RASA3: variants seen among roughly 807,000 people sequenced by gnomAD.
The protein encoded by RASA3 is RAS p21 protein activator 3.
A neutral mutation model predicts 110.0 loss-of-function variants in RASA3; 73 were observed. That is an observed-to-expected ratio of 0.66 (90% CI 0.55 to 0.81). The LOEUF (loss-of-function observed/expected upper bound fraction) is 0.81, where lower values mean the gene tolerates loss of function less well. Ranked by LOEUF, RASA3 falls within the 30% of genes least tolerant of loss-of-function variation. The pLI is 0.00. For synonymous variants in RASA3, 500 were observed against 451.4 expected (o/e 1.11, Z -1.37); for missense variants, 976 against 1,113.2 (o/e 0.88, Z 1.75).
At chr13:113,979,786 T>A (rs1327921853) in intron 23 of RASA3, among the ~76,000 whole-genome samples, 1 of 152,112 alleles carries the variant, frequency 6.6e-6, no homozygotes, top group Non-Finnish European at 1.5e-5. Flanking sequence ...GGGACACAGA[T>A]CTGTCCCAGT....
At chr13:114,024,411 T>A (rs1306749229) in intron 7 of RASA3, 56 bp from the exon 8 acceptor site, 1 of 1,522,992 alleles carries the variant, frequency 6.6e-7, no homozygotes, top group African/African-American at 1.4e-5. Flanking sequence ...GGCGGGGGTA[T>A]ATGCGGACCT....
intron 22 of RASA3, among the ~76,000 whole-genome samples, chr13:113,983,381 A>T (rs2052979765): frequency 7.7e-6 from 1 of 129,594 alleles, no homozygotes; most frequent in Non-Finnish European, 1.8e-5. Flanking sequence ...GAGTGATGAC[A>T]TCAGACACGT....
At position 114,115,916 on chromosome 13, in the gene RASA3, C is replaced by T. The variant is rs759711009; in HGVS notation, c.55+16519G>A. On this transcript the variant is annotated intron_variant, in intron 1 of 23. Transcript: ENST00000334062. This position sits in a 1 kb window ranked among gnomAD's most constrained non-coding sequence, Gnocchi z 5.0. ...TAACCAGCAGGCTTAAAGAAGAAAC[C>T]CAAACGCTCTGTGAATGGGACATGT... 6.6e-6 allele frequency among the ~76,000 whole-genome samples: 1 copy of T among 152,214 alleles called. No individual in the cohort carries two copies. The highest frequency in any genetic ancestry group is 6.5e-5 in the Admixed American group (1 of 15,286).
At position 114,111,408 on chromosome 13, in the gene RASA3, A is replaced by T. The variant is rs35778616; in HGVS notation, c.55+21027T>A. Among the ~76,000 whole-genome samples the T allele has an allele frequency of 2.7e-3, 14 of 5,176 alleles. 4 individuals are homozygous for T. Among genetic ancestry groups the T allele is most frequent in the East Asian group, 8.5e-3 (1 of 118 alleles). 3.4% of individuals were successfully genotyped at this position (5,176 alleles called of 152,430 possible). On this transcript the variant is annotated intron_variant, in intron 1 of 23. Coordinates refer to ENST00000334062, the MANE Select transcript of RASA3 (RefSeq NM_007368.4). The stretch of plus-strand genomic sequence containing the variant: ...AGGCCGAGTTCTAACGGGCTGAGCC[A>T]CAAACGAGCTGCAGGCGGAGTTCTA...
intron 12 of RASA3, among the ~76,000 whole-genome samples, chr13:114,016,481 A>G (rs995301050): frequency 2.0e-5 from 3 of 152,138 alleles, no homozygotes; most frequent in African/African-American, 7.2e-5. Flanking sequence ...CCCGAGCCTC[A>G]GCTGCAAGGG....
chr13:114,121,622 CCT>C (rs1566588895), intron 1 of RASA3, among the ~76,000 whole-genome samples: 1 of 152,218 alleles, frequency 6.6e-6, no homozygotes, highest in African/African-American at 2.4e-5. Context: ...TCAGCCTGAA[CCT>C]CTGTCTCTCA....
intron 18 of RASA3, among the ~76,000 whole-genome samples, chr13:114,001,952 C>T (rs925470228): frequency 3.9e-5 from 6 of 152,250 alleles, no homozygotes; most frequent in African/African-American, 1.4e-4. Context: ...ACAGGATGGC[C>T]ACCGAGGATG....
intron 1 of RASA3, among the ~76,000 whole-genome samples, chr13:114,123,037 C>T (rs1303604070): frequency 6.6e-6 from 1 of 152,254 alleles, no homozygotes; most frequent in African/African-American, 2.4e-5. Context: ...TGGGTCCCTA[C>T]ACCCTGGACA....
rs778068683 is a variant in RASA3 at position 114,009,429 on chromosome 13, A to G, written c.1626T>C (p.Tyr542=). The change falls in exon 17 of 24, where the codon TAT becomes TAC. Residue 542 remains tyrosine (Y), a synonymous_variant. Transcript: ENST00000334062. ...SFKESYMATF[Y]EFFNEQKYAD... ...CATATTTCTGCTCATTGAAGAATTC[A>G]TAAAATGTAGCCATGTAGGACTCCT... 1.9e-6 allele frequency: 3 copies of G among 1,612,446 alleles called. No homozygotes were observed. Among genetic ancestry groups the G allele is most frequent in the African/African-American group, 1.3e-5 (1 of 74,942 alleles).
rs559840721 is a variant in RASA3, at chr13:114,033,593, C to T, written c.373-3706G>A. Among the ~76,000 whole-genome samples, 77 of 132,010 alleles carry T rather than the reference C, an allele frequency of 5.8e-4. 1 individual carries two copies. Among genetic ancestry groups the T allele is most frequent in the African/African-American group, 2.1e-3 (73 of 33,986 alleles). 86.6% of individuals were successfully genotyped at this position (132,010 alleles called of 152,430 possible). ...ACCCCACACTTCATACCACGTTCCA[C>T]GGCACCCCCACACTTGACACCACGC... On this transcript the variant is annotated intron_variant, in intron 4 of 23. Coordinates refer to ENST00000334062, the MANE Select transcript of RASA3 (RefSeq NM_007368.4).
intron 1 of RASA3, among the ~76,000 whole-genome samples, chr13:114,123,732 C>T (rs1055802924): frequency 4.6e-5 from 7 of 152,202 alleles, no homozygotes; most frequent in African/African-American, 1.7e-4. Flanking sequence ...GCGAGGGAGG[C>T]ACCCACGGGG....
chr13:113,996,133 G>A (rs1679640775), intron 21 of RASA3, among the ~76,000 whole-genome samples: 1 of 152,136 alleles, frequency 6.6e-6, no homozygotes, highest in Non-Finnish European at 1.5e-5. Flanking sequence ...GAAGACAACG[G>A]GCTGCTGCGT....
chr13:114,036,050 T>C (rs138606978), intron 4 of RASA3: 8 of 152,390 alleles, frequency 5.2e-5, no homozygotes, highest in African/African-American at 1.9e-4. Context: ...TGCTATTTTC[T>C]GAATACGTCA....
chr13:114,031,145 CT>C (rs2054159194), intron 4 of RASA3, among the ~76,000 whole-genome samples: 1 of 149,990 alleles, frequency 6.7e-6, no homozygotes, highest in South Asian at 2.1e-4. Flanking sequence ...GCATGTTCGC[CT>C]GTGTGTGCAT....
At chr13:114,037,207 T>C (rs1025774404) in intron 4 of RASA3, among the ~76,000 whole-genome samples, 3 of 152,148 alleles carry the variant, frequency 2.0e-5, no homozygotes, top group Admixed American at 6.5e-5. Flanking sequence ...AGATGCAACG[T>C]CTGAGTCCTG....
intron 9 of RASA3, among the ~76,000 whole-genome samples, chr13:114,019,663 GATCC>G (rs2053874785): frequency 6.8e-6 from 1 of 147,244 alleles, no homozygotes; most frequent in Non-Finnish European, 1.5e-5. Flanking sequence ...CGAGGCATTA[GATCC>G]CCCCTCAGAT....
intron 23 of RASA3, 55 bp downstream of exon 23, chr13:113,981,620 C>CCAA: frequency 6.4e-7 from 1 of 1,573,168 alleles, no homozygotes; most frequent in Non-Finnish European, 8.7e-7. Context: ...ACCCCCACTG[C>CCAA]AATCTCCCGC....
rs773020250 is a variant in RASA3 at position 114,011,136 on chromosome 13, T to C, written c.1590+35A>G. ...TCTGAAGAGAGAAAAGAATCAGTTG[T>C]CCCTAAAAAGAGAAAATGAAGAAGA... On this transcript the variant is annotated intron_variant, in intron 16 of 23. Transcript: ENST00000334062. This position sits in a 1 kb window ranked among gnomAD's most constrained non-coding sequence, Gnocchi z 4.8. 3.3e-6 allele frequency: 5 copies of C among 1,536,364 alleles called. No individual in the cohort carries two copies. The highest frequency in any genetic ancestry group is 3.6e-6 in the Non-Finnish European group (4 of 1,112,648).
intron 1 of RASA3, among the ~76,000 whole-genome samples, chr13:114,132,037 G>A (rs1415404773): frequency 6.6e-6 from 1 of 152,070 alleles, no homozygotes; most frequent in Non-Finnish European, 1.5e-5. Flanking sequence ...CGACGTCAGT[G>A]GATTTGACAC....
Sources: allele counts gnomAD v4.1 joint callset (sites outside exome capture counted in the v4.1 genomes callset), GRCh38; gene constraint gnomAD v4.1.1; non-coding constraint Gnocchi (gnomAD v3.1); transcripts MANE v1.5; gene names NCBI Gene and HGNC (gene_info 2026-07-23, HGNC 2026-07-21).